The following KDM2B variants were observed in gnomAD, a reference collection of about 807,000 sequenced individuals.
KDM2B encodes lysine demethylase 2B, also known as lysine-specific demethylase 2B.
Under a neutral mutation model 150.0 loss-of-function variants are expected in KDM2B, and 26 were observed. That is an observed-to-expected ratio of 0.17 (90% CI 0.13 to 0.24). The LOEUF is 0.24. Among genes scored for constraint, KDM2B ranks in the 10% least tolerant of loss-of-function variants. KDM2B has a pLI of 1.00. For missense variants in KDM2B, 1,265 were observed against 1,816.9 expected, an observed-to-expected ratio of 0.70 and a Z score of 5.52; for synonymous variants, 734 against 729.5, an observed-to-expected ratio of 1.01 and a Z score of -0.10.
intron 11 of KDM2B, among the ~76,000 whole-genome samples, chr12:121,509,110 G>A (rs782650148): frequency 2.0e-5 from 3 of 152,156 alleles, no homozygotes; most frequent in African/African-American, 4.8e-5. Context: ...CCAGGCTGGA[G>A]TGCAGTGGTG....
rs1885414647 is a variant in KDM2B, at chr12:121,509,743, G to A, written c.1471C>T (p.Pro491Ser). The change falls in exon 11 of 23, where the codon CCC (proline) becomes TCC (serine). Residue 491 changes from proline (P) to serine (S), a missense_variant. Physicochemically the swap from Pro to Ser is moderately conservative, Grantham distance 74. Coordinates refer to ENST00000377071, the MANE Select transcript of KDM2B (RefSeq NM_032590.5). ...GCGGGAGAGCCGGTGGGGGTCTTGG[G>A]GTAGTCTACGGCCAATGTGGTGGAC... is the stretch of plus-strand genomic sequence containing the variant. Reference protein sequence around the residue: ...VKSTTLAVDYPKTPTGSPATE... With the variant: ...VKSTTLAVDYSKTPTGSPATE... 2 of 1,614,122 alleles carry A rather than the reference G, an allele frequency of 1.2e-6. No individual in the cohort carries two copies. Among genetic ancestry groups the A allele is most frequent in the Non-Finnish European group, 1.7e-6 (2 of 1,180,036 alleles).
chr12:121,578,378 G>A (rs1235914209), intron 2 of KDM2B, among the ~76,000 whole-genome samples: 1 of 152,178 alleles, frequency 6.6e-6, no homozygotes, highest in Non-Finnish European at 1.5e-5. Flanking sequence ...GAAGGCTTCG[G>A]GCCTGGGGGG....
the KDM2B span, chr12:121,416,241 C>G: frequency 6.2e-7 from 1 of 1,614,074 alleles, no homozygotes; most frequent in Non-Finnish European, 8.5e-7. Flanking sequence ...GGCCAGCAGT[C>G]AGCATTTGCA....
Position 121,500,966 on chromosome 12 carries a change from C to T in KDM2B, c.1648-6301G>A, listed in dbSNP as rs571284916. Among the ~76,000 whole-genome samples, 39 of 152,206 alleles carry T rather than the reference C, an allele frequency of 2.6e-4. No homozygotes were observed. The East Asian group carries it at 4.4e-3, about 17-fold the overall frequency. ...AAACACAAAAATTAGCCAGGCATGGCGGCACATGCCCATAGTCCCAGCTAC... is the reference window on the plus strand; with the variant it reads ...AAACACAAAAATTAGCCAGGCATGGTGGCACATGCCCATAGTCCCAGCTAC... On this transcript the variant is annotated intron_variant, in intron 11 of 22. Coordinates refer to ENST00000377071, the MANE Select transcript of KDM2B (RefSeq NM_032590.5).
At chr12:121,573,060 G>A (rs536804321) in intron 4 of KDM2B, among the ~76,000 whole-genome samples, 2 of 151,414 alleles carry the variant, frequency 1.3e-5, no homozygotes, top group South Asian at 2.1e-4. Flanking sequence ...TCTTGACCTC[G>A]TGATCCTCCC....
At chr12:121,448,936 T>C (rs1004157721) in intron 13 of KDM2B, among the ~76,000 whole-genome samples, 3 of 152,124 alleles carry the variant, frequency 2.0e-5, no homozygotes, top group Admixed American at 6.5e-5. Flanking sequence ...TCTGGAGGAC[T>C]TGGAGGACAG....
At chr12:121,415,840 C>CTTTTTT in the KDM2B span, among the ~76,000 whole-genome samples, 8 of 108,062 alleles carry the variant, frequency 7.4e-5, no homozygotes, top group South Asian at 6.2e-4. Flanking sequence ...TTTGTCCAGT[C>CTTTTTT]TTTTTTTTTT....
At chr12:121,485,979 GT>G (rs1882709253) in intron 12 of KDM2B, among the ~76,000 whole-genome samples, 1 of 151,840 alleles carries the variant, frequency 6.6e-6, no homozygotes, top group Non-Finnish European at 1.5e-5. Flanking sequence ...GTTTCACCAT[GT>G]TTGCCAGGCT....
chr12:121,564,968 G>C (rs1890594978), intron 4 of KDM2B, among the ~76,000 whole-genome samples: 1 of 151,774 alleles, frequency 6.6e-6, no homozygotes. Flanking sequence ...GAGTAGCTGG[G>C]ATTGCAGGCG....
intron 9 of KDM2B, among the ~76,000 whole-genome samples, chr12:121,517,567 C>G (rs894636543): frequency 1.1e-4 from 16 of 151,440 alleles, no homozygotes; most frequent in Non-Finnish European, 1.9e-4. Flanking sequence ...CTACTGGGTT[C>G]AAGCAATCCT....
At chr12:121,494,482 G>A (rs1333600397) in intron 12 of KDM2B, 97 bp downstream of exon 12, 2 of 775,806 alleles carry the variant, frequency 2.6e-6, no homozygotes, top group Admixed American at 4.8e-5. Flanking sequence ...CATCTCAGGA[G>A]GCCCCATAGC....
chr12:121,480,415 A>G (rs1881963185), intron 12 of KDM2B, among the ~76,000 whole-genome samples: 1 of 152,008 alleles, frequency 6.6e-6, no homozygotes, highest in African/African-American at 2.4e-5. Flanking sequence ...TCTACAAATC[A>G]TGTCCTGAGA....
downstream of KDM2B, among the ~76,000 whole-genome samples, chr12:121,424,732 AAAG>A (rs1210743302): frequency 6.6e-6 from 1 of 152,034 alleles, no homozygotes; most frequent in Non-Finnish European, 1.5e-5. Flanking sequence ...AAAAGAAAAA[AAAG>A]AAAAAAACAA....
At chr12:121,443,955 A>G in intron 16 of KDM2B, 57 bp downstream of exon 16, 1 of 1,544,896 alleles carries the variant, frequency 6.5e-7, no homozygotes. Context: ...CCTCCAACCC[A>G]GCACCCGGGA....
chr12:121,547,857 G>C (rs1566403854), intron 6 of KDM2B, among the ~76,000 whole-genome samples: 1 of 151,846 alleles, frequency 6.6e-6, no homozygotes, highest in Non-Finnish European at 1.5e-5. Context: ...TGGTCTGGCT[G>C]GTCTCGAACT....
At chr12:121,474,470 C>A (rs1407280495) in intron 12 of KDM2B, among the ~76,000 whole-genome samples, 3 of 152,076 alleles carry the variant, frequency 2.0e-5, no homozygotes, top group Non-Finnish European at 4.4e-5. Flanking sequence ...GAGCAGAGAT[C>A]TCGCCACTGC....
chr12:121,509,500 T>C, intron 11 of KDM2B, 67 bp downstream of exon 11: 1 of 1,572,046 alleles, frequency 6.4e-7, no homozygotes, highest in East Asian at 2.2e-5. Flanking sequence ...GAGCTGCACG[T>C]GTCACACTGA....
At chr12:121,527,673 A>T (rs1300364425) in intron 8 of KDM2B, among the ~76,000 whole-genome samples, 4 of 151,646 alleles carry the variant, frequency 2.6e-5, no homozygotes, top group Non-Finnish European at 4.4e-5. Context: ...AAAAAAAAAA[A>T]AAAAGTGGGG....
chr12:121,420,152 G>C, the KDM2B span: 1 of 1,190,866 alleles, frequency 8.4e-7, no homozygotes, highest in Non-Finnish European at 1.2e-6. Context: ...TGGCTTTCTG[G>C]TCATCATGGG....
Sources: gnomAD v4.1 joint callset for allele counts (sites outside exome capture counted in the v4.1 genomes callset) on GRCh38, gnomAD v4.1.1 for gene constraint, MANE v1.5 for transcripts, NCBI Gene and HGNC (gene_info 2026-07-23, HGNC 2026-07-21) for gene names.